The following SMCO2 variants were observed in gnomAD, a reference collection of about 807,000 sequenced individuals.
SMCO2 encodes the protein single-pass membrane protein with coiled-coil domains 2, also known as single-pass membrane and coiled-coil domain-containing protein 2.
SMCO2 carries 25 observed loss-of-function variants against 29.5 expected under a neutral mutation model. The observed-to-expected ratio is 0.85, with a 90% CI of 0.62 to 1.18. SMCO2 has a LOEUF of 1.18. Ranked by LOEUF, SMCO2 falls within the 50% of genes most tolerant of loss-of-function variation. The probability of loss-of-function intolerance (pLI) is 0.00; values close to 1 mark genes in which losing one functional copy is unlikely to be tolerated. For synonymous variants in SMCO2, 117 were observed against 123.3 expected (o/e 0.95, Z 0.34); for missense variants, 348 against 344.5 (o/e 1.01, Z -0.08).
intron 6 of SMCO2, 92 bp downstream of exon 7, chr12:27,494,448 G>A: frequency 3.5e-6 from 2 of 567,498 alleles, no homozygotes; most frequent in Non-Finnish European, 5.8e-6. Flanking sequence ...ATATGACGGT[G>A]CACCACATAC....
chr12:27,498,029 T>A, intron 7 of SMCO2: 1 of 284,168 alleles, frequency 3.5e-6, no homozygotes, highest in South Asian at 5.0e-5. Context: ...ACTAAAGTGA[T>A]CCATGGACAA....
chr12:27,495,579 C>A, intron 6 of SMCO2, 101 bp from the exon 8 acceptor site: 2 of 1,141,498 alleles, frequency 1.8e-6, no homozygotes, highest in Non-Finnish European at 2.3e-6. Context: ...CTAATGTGGG[C>A]CCCCAAGGTG....
At chr12:27,488,292 A>G (rs1269382067) in intron 4 of SMCO2, among the ~76,000 whole-genome samples, 168 bp from the exon 6 acceptor site, 1 of 152,170 alleles carries the variant, frequency 6.6e-6, no homozygotes, top group Non-Finnish European at 1.5e-5. Context: ...GATTACTTAG[A>G]GTACTTTTTA....
chr12:27,463,390 G>C (rs1305087330), upstream of SMCO2, among the ~76,000 whole-genome samples: 1 of 152,112 alleles, frequency 6.6e-6, no homozygotes, highest in African/African-American at 2.4e-5. Context: ...TCAGCTTCCA[G>C]AGTAGCTGGG....
At chr12:27,440,551 C>A in the SMCO2 span, among the ~76,000 whole-genome samples, 1 of 151,514 alleles carries the variant, frequency 6.6e-6, no homozygotes, top group African/African-American at 2.4e-5. Context: ...GGTAGAGCAA[C>A]CTGTTAAGAG....
chr12:27,434,575 T>G, the SMCO2 span, among the ~76,000 whole-genome samples: 7,925 of 152,262 alleles, frequency 0.052, 233 homozygotes, highest in Middle Eastern at 0.082. Flanking sequence ...AAAGAAGATA[T>G]GTTTCAGGAA....
At chr12:27,477,235 T>C (rs984620406) in intron 4 of SMCO2, among the ~76,000 whole-genome samples, 11 of 137,940 alleles carry the variant, frequency 8.0e-5, no homozygotes, top group African/African-American at 2.4e-4. Context: ...TTTTTTTTTT[T>C]CCTCTCAGCA....
chr12:27,425,954 A>G, the SMCO2 span, among the ~76,000 whole-genome samples: 4 of 152,310 alleles, frequency 2.6e-5, no homozygotes, highest in African/African-American at 9.6e-5. Context: ...TTAAAATGTT[A>G]GGAAGGGAAG....
chr12:27,447,865 A>C, the SMCO2 span, among the ~76,000 whole-genome samples: 40 of 152,276 alleles, frequency 2.6e-4, no homozygotes, highest in Non-Finnish European at 5.0e-4. Flanking sequence ...CTGTAGATGT[A>C]CTTTCTCTGG....
At chr12:27,491,790 G>A (rs974190729) in intron 5 of SMCO2, among the ~76,000 whole-genome samples, 7 of 150,254 alleles carry the variant, frequency 4.7e-5, no homozygotes, top group African/African-American at 1.7e-4. Context: ...TGCAACCTCC[G>A]CCTCCTGGGT....
chr12:27,448,562 G>A, the SMCO2 span, among the ~76,000 whole-genome samples: 1 of 152,152 alleles, frequency 6.6e-6, no homozygotes, highest in Admixed American at 6.5e-5. Flanking sequence ...TTAAACTGGG[G>A]CCAGCAGACC....
upstream of SMCO2, among the ~76,000 whole-genome samples, chr12:27,465,260 G>T (rs1949490139): frequency 6.6e-6 from 1 of 152,102 alleles, no homozygotes; most frequent in Admixed American, 6.5e-5. Flanking sequence ...AAAACACTTG[G>T]GAGACTGCCT....
chr12:27,468,409 G>A (rs306639), intron 1 of SMCO2, among the ~76,000 whole-genome samples: 3 of 152,172 alleles, frequency 2.0e-5, no homozygotes, highest in Non-Finnish European at 4.4e-5. Flanking sequence ...TAAAGGAATG[G>A]GTGTGGCTGT....
chr12:27,440,123 TAAAA>T, the SMCO2 span, among the ~76,000 whole-genome samples: 1 of 152,188 alleles, frequency 6.6e-6, no homozygotes, highest in East Asian at 1.9e-4. Context: ...AATAATATAT[TAAAA>T]AGCTCCAGTT....
chr12:27,452,212 G>A, the SMCO2 span, among the ~76,000 whole-genome samples: 4 of 152,278 alleles, frequency 2.6e-5, no homozygotes, highest in African/African-American at 9.6e-5. Flanking sequence ...TATAAATTTT[G>A]TATCAATTGT....
At chr12:27,486,297 C>T (rs1323405293) in intron 4 of SMCO2, among the ~76,000 whole-genome samples, 1 of 152,208 alleles carries the variant, frequency 6.6e-6, no homozygotes, top group African/African-American at 2.4e-5. Context: ...TGTGGCCTCC[C>T]TGAGCTTCTA....
At chr12:27,472,955 A>G in intron 3 of SMCO2, 80 bp downstream of exon 3, 1 of 948,752 alleles carries the variant, frequency 1.1e-6, no homozygotes, top group Non-Finnish European at 1.6e-6. Context: ...CGCATATCTT[A>G]AAGTGGTAAG....
chr12:27,457,164 G>A, the SMCO2 span, among the ~76,000 whole-genome samples: 1 of 152,014 alleles, frequency 6.6e-6, no homozygotes, highest in Non-Finnish European at 1.5e-5. Flanking sequence ...TCCTCTTGGT[G>A]GCAGGCCTAA....
upstream of SMCO2, among the ~76,000 whole-genome samples, chr12:27,461,873 G>C (rs1949461573): frequency 6.6e-6 from 1 of 152,202 alleles, no homozygotes; most frequent in Non-Finnish European, 1.5e-5. Flanking sequence ...CTCTTGGAAA[G>C]TATTAGAAAA....
Sources: gnomAD v4.1 joint callset for allele counts (sites outside exome capture counted in the v4.1 genomes callset) on GRCh38, gnomAD v4.1.1 for gene constraint, MANE v1.5 for transcripts, NCBI Gene and HGNC (gene_info 2026-07-23, HGNC 2026-07-21) for gene names.